The following DCTN2 variants were observed in gnomAD, a reference collection of about 807,000 sequenced individuals.
DCTN2 encodes the protein 50 kDa dynein-associated polypeptide.
A neutral mutation model predicts 55.4 loss-of-function variants in DCTN2; 18 were observed. The ratio of observed to expected loss-of-function variants is 0.32; its 90% CI spans 0.22 to 0.48. The LOEUF (loss-of-function observed/expected upper bound fraction) is 0.48, where lower values mean the gene tolerates loss of function less well. Ranked by LOEUF, DCTN2 falls within the 20% of genes least tolerant of loss-of-function variation. DCTN2 has a pLI of 0.99. For missense variants in DCTN2, 390 were observed against 491.0 expected (o/e 0.79, Z 1.94); for synonymous variants, 168 against 185.2 (o/e 0.91, Z 0.76).
intron 8 of DCTN2, 73 bp from the exon 9 acceptor site, chr12:57,533,095 G>A (rs1879893800): frequency 6.4e-7 from 1 of 1,558,854 alleles, no homozygotes; most frequent in African/African-American, 1.4e-5. Context: ...CATCTTTCCT[G>A]GTTCTAGCTG....
intron 2 of DCTN2, chr12:57,538,352 G>A (rs762221138): frequency 1.5e-6 from 1 of 662,102 alleles, no homozygotes; most frequent in Non-Finnish European, 2.8e-6. Flanking sequence ...GAAGATCTGG[G>A]GCATGAGTTG....
chr12:57,533,956 G>A lies in DCTN2; in HGVS notation c.666C>T (p.Ala222=). The A allele has an allele frequency of 6.2e-7, 1 of 1,607,372 alleles. No homozygotes were observed. Among genetic ancestry groups the A allele is most frequent in the Non-Finnish European group, 8.5e-7 (1 of 1,176,666 alleles). ...CCAACACTGTATCCACACTTACTTT[G>A]GCAGCTTGAGAGAACTTGTCCTGCT... The part of the protein sequence containing the change: ...RPEQDKFSQA[A]KVAELEKRLT... The change falls in exon 7 of 14, where the codon GCC becomes GCT. Residue 222 remains alanine, a synonymous_variant. Transcript: ENST00000548249.
chr12:57,535,196 C>T lies in DCTN2; in HGVS notation c.265-42G>A, dbSNP rs756690924. The T allele has an allele frequency of 2.4e-5, 37 of 1,512,672 alleles. 1 individual carries two copies. Among genetic ancestry groups the T allele is most frequent in the Non-Finnish European group, 9.1e-7 (1 of 1,099,694 alleles). The allele number at this position is 1,512,672 out of a possible 1,614,324, so 93.7% of individuals were successfully genotyped here. ...GAGGGTAATGTTATATGTCTCATTA[C>T]AGGGAGCCTCAAGAATTCATCCACA... is the stretch of plus-strand genomic sequence containing the variant. On this transcript the variant is annotated intron_variant, in intron 4 of 13. Transcript: ENST00000548249.
intron 1 of DCTN2, 143 bp downstream of exon 1, chr12:57,546,885 G>A (rs1296974135): frequency 1.4e-6 from 1 of 697,604 alleles, no homozygotes. Context: ...GGGGGGTGCT[G>A]AGGCCGATCG....
chr12:57,531,648 G>A (rs1879724397), intron 13 of DCTN2, among the ~76,000 whole-genome samples: 1 of 152,230 alleles, frequency 6.6e-6, no homozygotes, highest in Non-Finnish European at 1.5e-5. Flanking sequence ...GCCTGCTTCT[G>A]ACTTCAAAGC....
intron 1 of DCTN2, 68 bp downstream of exon 1, chr12:57,546,960 T>C (rs1159484976): frequency 4.1e-6 from 5 of 1,210,362 alleles, no homozygotes; most frequent in South Asian, 4.0e-5. Flanking sequence ...CGCGGGCTGG[T>C]TTCTGCTGGG....
intron 2 of DCTN2, chr12:57,538,506 T>TC (rs1880433490): frequency 2.6e-6 from 2 of 761,228 alleles, no homozygotes; most frequent in East Asian, 4.9e-5. Context: ...AGATGAAAGG[T>TC]CAGGCTTCTT....
chr12:57,532,003 A>G lies in DCTN2; in HGVS notation c.1119+12T>C, dbSNP rs1208954396. The G allele has an allele frequency of 2.6e-6, 4 of 1,556,574 alleles. No homozygotes were observed. Among genetic ancestry groups the G allele is most frequent in the African/African-American group, 2.7e-5 (2 of 73,260 alleles). On this transcript the variant is annotated intron_variant, in intron 13 of 13. Transcript: ENST00000548249. ...TGGAGAAAGGAGGACAGATCAACAAAGGGGCACACACCTGGGTCAAGAGGG... is the reference window on the plus strand; with the variant it reads ...TGGAGAAAGGAGGACAGATCAACAAGGGGGCACACACCTGGGTCAAGAGGG...
intron 2 of DCTN2, among the ~76,000 whole-genome samples, chr12:57,541,162 G>A (rs1298312779): frequency 6.6e-6 from 1 of 152,188 alleles, no homozygotes; most frequent in Non-Finnish European, 1.5e-5. Context: ...AAGGGGAAGA[G>A]ACAATGATTC....
chr12:57,543,740 G>A, intron 2 of DCTN2: 1 of 1,262,450 alleles, frequency 7.9e-7, no homozygotes, highest in Non-Finnish European at 1.0e-6. Context: ...ACTTAGCTGA[G>A]CCTTAGGTGA....
chr12:57,532,525 G>A (rs763835341), intron 11 of DCTN2, 47 bp downstream of exon 11: 2 of 1,593,400 alleles, frequency 1.3e-6, no homozygotes, highest in South Asian at 2.2e-5. Context: ...CTGCCACTCG[G>A]AGAACCTGAG....
In DCTN2 at chr12:57,535,776, C is replaced by T; in HGVS notation, c.175G>A (p.Asp59Asn). The T allele has an allele frequency of 6.2e-7, 1 of 1,613,982 alleles. No homozygotes were observed. Among genetic ancestry groups the T allele is most frequent in the Non-Finnish European group, 8.5e-7 (1 of 1,179,868 alleles). ...AGTCCCTTTGTCCCCACTCTCTTGT[C>T]CTTGAACTTGTCATAGGCAGCATTA... ...NPNAAYDKFK[D>N]KRVGTKGLDF... The change falls in exon 3 of 14, where the codon GAC becomes AAC. Residue 59 changes from aspartate (D) to asparagine (N), a missense_variant. Transcript: ENST00000548249.
At chr12:57,533,909 A>C in intron 7 of DCTN2, 44 bp downstream of exon 7, 1 of 1,536,590 alleles carries the variant, frequency 6.5e-7, no homozygotes, top group Non-Finnish European at 8.8e-7. Flanking sequence ...CTCTAGGGTC[A>C]CATCTCCCCT....
chr12:57,545,330 C>A (rs1032712927), intron 2 of DCTN2, among the ~76,000 whole-genome samples: 3 of 152,118 alleles, frequency 2.0e-5, no homozygotes, highest in African/African-American at 7.2e-5. Flanking sequence ...CTATATGTAT[C>A]CTAATTCCCC....
chr12:57,544,138 G>A (rs1880939555), intron 2 of DCTN2: 1 of 453,626 alleles, frequency 2.2e-6, no homozygotes, highest in Non-Finnish European at 4.4e-6. Context: ...GGCCTAAGTT[G>A]AACAGTCTGA....
At chr12:57,535,332 G>T in intron 4 of DCTN2, 152 bp downstream of exon 4, 1 of 1,106,338 alleles carries the variant, frequency 9.0e-7, no homozygotes, top group Non-Finnish European at 1.3e-6. Flanking sequence ...ACAAACAGCA[G>T]TAGGGCAGAG....
intron 2 of DCTN2, among the ~76,000 whole-genome samples, chr12:57,545,467 C>T (rs1426341697): frequency 1.3e-5 from 2 of 152,180 alleles, no homozygotes; most frequent in African/African-American, 4.8e-5. Context: ...GTATCCGTAC[C>T]TAATTACTCC....
intron 2 of DCTN2, chr12:57,538,643 T>A: frequency 1.5e-6 from 1 of 678,608 alleles, no homozygotes; most frequent in South Asian, 1.5e-5. Flanking sequence ...TCACATGCAC[T>A]ACATGACAGT....
rs748708237 is a variant in DCTN2, at chr12:57,535,016, T to C, written c.363+40A>G. 27 of 1,497,854 alleles carry C rather than the reference T, an allele frequency of 1.8e-5. 1 individual carries two copies. The South Asian group carries it at 2.5e-4, about 14-fold the overall frequency. The allele number at this position is 1,497,854 out of a possible 1,614,324, so 92.8% of individuals were successfully genotyped here. ...TTGCTTGAGGTCTTCCTCTACTGTG[T>C]AAGTCACAGCAGAGAAGGGAGAAGA... On this transcript the variant is annotated intron_variant, in intron 5 of 13. Transcript: ENST00000548249.
Sources: allele counts gnomAD v4.1 joint callset (sites outside exome capture counted in the v4.1 genomes callset), GRCh38; gene constraint gnomAD v4.1.1; transcripts MANE v1.5; gene names NCBI Gene and HGNC (gene_info 2026-07-23, HGNC 2026-07-21).